Variants in TSPAN32 observed in about 807,000 individuals in gnomAD.
TSPAN32 encodes the protein tetraspanin-32.
A neutral mutation model predicts 42.7 loss-of-function variants in TSPAN32; 47 were observed. The ratio of observed to expected loss-of-function variants is 1.10; its 90% confidence interval spans 0.87 to 1.40. The LOEUF is 1.40. Ranked by LOEUF, TSPAN32 falls within the 40% of genes most tolerant of loss-of-function variation. The probability of loss-of-function intolerance (pLI) is 0.00; values close to 1 mark genes in which losing one functional copy is unlikely to be tolerated. For synonymous variants in TSPAN32, 175 were observed against 175.9 expected (o/e 0.99, Z 0.04); for missense variants, 469 against 424.1 (o/e 1.11, Z -0.93).
At chr11:2,306,592 T>A (rs1276754150) in intron 3 of TSPAN32, among the ~76,000 whole-genome samples, 1 of 151,014 alleles carries the variant, frequency 6.6e-6, no homozygotes, top group African/African-American at 2.4e-5. Context: ...AGGCCGTGGA[T>A]GCTCTTTCTC....
chr11:2,307,309 G>A (rs1848177307), intron 3 of TSPAN32, among the ~76,000 whole-genome samples: 1 of 152,134 alleles, frequency 6.6e-6, no homozygotes, highest in African/African-American at 2.4e-5. Context: ...TATCCCACGG[G>A]CACCCATGCT....
intron 4 of TSPAN32, 28 bp downstream of exon 4, chr11:2,308,838 G>C: frequency 6.7e-7 from 1 of 1,499,200 alleles, no homozygotes; most frequent in Non-Finnish European, 9.1e-7. Context: ...CTACCCTGCA[G>C]TGGAGGGTCC....
In TSPAN32 at chr11:2,304,835, C is replaced by A. The variant is rs562530820; in HGVS notation, c.279+631C>A. Among the ~76,000 whole-genome samples the A allele has an allele frequency of 6.6e-6, 1 of 152,004 alleles. No individual in the cohort carries two copies. The highest frequency in any genetic ancestry group is 1.5e-5 in the Non-Finnish European group (1 of 68,000). ...TTGGTCCCTGCCACTCGATGGTCAT[C>A]GCAGACCCCACCTGGCGGCAGCCTC... On this transcript the variant is annotated intron_variant, in intron 3 of 9. Transcript: ENST00000182290. This position sits in a 1 kb window ranked among gnomAD's most constrained non-coding sequence, Gnocchi z 4.8.
In TSPAN32 at chr11:2,315,839, C is replaced by T. The variant is rs982607623; in HGVS notation, c.544-390C>T. ...CTCCACCAGCTGGCTTCCTGCCCTC[C>T]CTGTTAGCCATCACCCTCTGGTCAC... On this transcript the variant is annotated intron_variant, in intron 6 of 9. Coordinates refer to ENST00000182290, the MANE Select transcript of TSPAN32 (RefSeq NM_139022.3). The T allele has an allele frequency of 1.8e-5, 25 of 1,363,862 alleles. No individual in the cohort carries two copies. The African/African-American group carries it at 3.4e-4, about 18-fold the overall frequency. The allele number at this position is 1,363,862 out of a possible 1,614,324, so 84.5% of individuals were successfully genotyped here.
At chr11:2,306,046 C>CTGTGCGTGTGTGTGTG (rs1554938843) in intron 3 of TSPAN32, among the ~76,000 whole-genome samples, 2 of 147,216 alleles carry the variant, frequency 1.4e-5, no homozygotes, top group African/African-American at 5.1e-5. Flanking sequence ...GCAGGTGCCT[C>CTGTGCGTGTGTGTGTG]TGTGTGTGTG....
intron 7 of TSPAN32, 70 bp downstream of exon 7, chr11:2,316,382 A>T (rs1397827308): frequency 1.3e-6 from 2 of 1,548,696 alleles, no homozygotes; most frequent in African/African-American, 1.4e-5. Context: ...CCCGACTCAG[A>T]TGGAAGGGTG....
At chr11:2,303,045 A>G in intron 2 of TSPAN32, 87 bp downstream of exon 2, 1 of 1,257,268 alleles carries the variant, frequency 8.0e-7, no homozygotes, top group East Asian at 2.4e-5. Context: ...CCTCACAGCC[A>G]GAATGGTGCC....
At chr11:2,310,077 G>C (rs2521280) in intron 4 of TSPAN32, 134,056 of 152,338 alleles carry the variant, frequency 0.88, 59,859 homozygotes, top group Non-Finnish European at 0.93. Flanking sequence ...GTGGTGAGCT[G>C]GGCCAGGTCC....
intron 6 of TSPAN32, chr11:2,315,414 C>T (rs1848727506): frequency 1.8e-6 from 2 of 1,138,772 alleles, no homozygotes; most frequent in Non-Finnish European, 1.1e-6. Flanking sequence ...CAGTCAGGAC[C>T]CCTGTGCCAC....
At chr11:2,316,132 C>T in intron 6 of TSPAN32, 97 bp from the exon 7 acceptor site, 2 of 1,519,862 alleles carry the variant, frequency 1.3e-6, no homozygotes, top group East Asian at 2.5e-5. Context: ...TGGCATTGGC[C>T]TAGGTGGGCG....
In TSPAN32 at chr11:2,317,643, A is replaced by G. The variant is rs1848886919; in HGVS notation, c.901+118A>G. 2 of 1,486,290 alleles carry G rather than the reference A, an allele frequency of 1.3e-6. No homozygotes were observed. Among genetic ancestry groups the G allele is most frequent in the Non-Finnish European group, 1.8e-6 (2 of 1,124,066 alleles). 92.1% of individuals were successfully genotyped at this position (1,486,290 alleles called of 1,614,324 possible). ...CCAGGCTCCATTGGGAACAGATGCA[A>G]GGGTAAGGGGTAGCTCACCAAATCC... On this transcript the variant is annotated intron_variant, in intron 9 of 9. Transcript: ENST00000182290. The surrounding 1 kb of genome is among the most constrained non-coding windows in gnomAD (Gnocchi z 6.2).
intron 6 of TSPAN32, 191 bp downstream of exon 6, chr11:2,314,762 A>C: frequency 1.7e-6 from 1 of 595,194 alleles, no homozygotes; most frequent in Non-Finnish European, 3.0e-6. Flanking sequence ...TGGTACGCCA[A>C]GCCCATTGGG....
chr11:2,311,331 C>T (rs915351154), intron 4 of TSPAN32, among the ~76,000 whole-genome samples: 6 of 152,150 alleles, frequency 3.9e-5, no homozygotes, highest in African/African-American at 1.4e-4. Flanking sequence ...GGGCAGGAGG[C>T]GTGGACCGGG....
At chr11:2,303,237 C>A (rs1002825660) in intron 2 of TSPAN32, among the ~76,000 whole-genome samples, 7 of 152,032 alleles carry the variant, frequency 4.6e-5, no homozygotes, top group Non-Finnish European at 7.4e-5. Flanking sequence ...TGGCTCTGTG[C>A]GGTCAGGACC....
At position 2,317,439 on chromosome 11, in the gene TSPAN32, CAA is replaced by C; in HGVS notation, c.816_817del (p.Gly274MetfsTer4). 6.2e-7 allele frequency: 1 copy of C among 1,603,768 alleles called. No individual in the cohort carries two copies. Among genetic ancestry groups the C allele is most frequent in the Non-Finnish European group, 8.5e-7 (1 of 1,175,246 alleles). On this transcript the variant is annotated frameshift_variant, in exon 9 of 10. Transcript: ENST00000182290. LOFTEE classifies it high-confidence loss of function. The surrounding 1 kb of genome is among the most constrained non-coding windows in gnomAD (Gnocchi z 6.2). ...CACTCCGAAGCAGTTGCTATTGGTC[CAA>C]GAGGATGCTCGGGTAGTCTTCGGTG... is the stretch of plus-strand genomic sequence containing the variant.
At position 2,317,486 on chromosome 11, in the gene TSPAN32, G is replaced by T. The variant is rs1211931862; in HGVS notation, c.862G>T (p.Ala288Ser). Residue 288 changes from alanine (A) to serine (S), a missense_variant, in exon 9 of 10, where the codon GCG becomes TCG. Physicochemically the swap from Ala to Ser is moderately conservative, Grantham distance 99. Coordinates refer to ENST00000182290, the MANE Select transcript of TSPAN32 (RefSeq NM_139022.3). The surrounding 1 kb of genome is among the most constrained non-coding windows in gnomAD (Gnocchi z 6.2). The stretch of plus-strand genomic sequence containing the variant: ...TCGGTGGCTGCAGGAGAGCGATGCT[G>T]CGCCTCTGCCCCTCTCCTGCCACCT... ...SLRWLQESDA[A>S]PLPLSCHLAA... is the part of the protein sequence containing the mutation. The T allele has an allele frequency of 1.3e-6, 2 of 1,595,982 alleles. No homozygotes were observed. Among genetic ancestry groups the T allele is most frequent in the Admixed American group, 3.5e-5 (2 of 57,864 alleles).
chr11:2,310,772 G>GC (rs1848414940), intron 4 of TSPAN32, among the ~76,000 whole-genome samples: 2 of 152,220 alleles, frequency 1.3e-5, no homozygotes, highest in Non-Finnish European at 2.9e-5. Flanking sequence ...CGTGCCTCCT[G>GC]CCGTGCCCCG....
chr11:2,305,971 C>T (rs1020623924), intron 3 of TSPAN32, among the ~76,000 whole-genome samples: 14 of 151,788 alleles, frequency 9.2e-5, no homozygotes, highest in South Asian at 2.1e-4. Flanking sequence ...TATGTGTATG[C>T]GTGTGCAAAT....
At chr11:2,306,544 G>GGAGA (rs34446612) in intron 3 of TSPAN32, among the ~76,000 whole-genome samples, 1,690 of 149,896 alleles carry the variant, frequency 0.011, 26 homozygotes, top group African/African-American at 0.035. Context: ...GGTGGTGGGG[G>GGAGA]GAGAGAGAGA....
Sources: gnomAD v4.1 joint callset for allele counts (sites outside exome capture counted in the v4.1 genomes callset) on GRCh38, gnomAD v4.1.1 for gene constraint, Gnocchi (gnomAD v3.1) non-coding constraint, MANE v1.5 for transcripts, NCBI Gene and HGNC (gene_info 2026-07-23, HGNC 2026-07-21) for gene names.